MACROD2: variants seen among roughly 807,000 people sequenced by gnomAD.
MACROD2 encodes mono-ADP ribosylhydrolase 2, also known as ADP-ribose glycohydrolase MACROD2.
In MACROD2, 36 loss-of-function variants were observed where a neutral mutation model predicts 70.4. That is an observed-to-expected ratio of 0.51 (90% confidence interval 0.39 to 0.68). The LOEUF (loss-of-function observed/expected upper bound fraction) is 0.68, where lower values mean the gene tolerates loss of function less well. MACROD2 is among the 30% of genes least tolerant of loss of function. The pLI is 0.00. For synonymous variants in MACROD2, 172 were observed against 178.8 expected (o/e 0.96, Z 0.30); for missense variants, 496 against 538.4 (o/e 0.92, Z 0.78).
chr20:14,524,456 G>A (rs2085206691), intron 4 of MACROD2, among the ~76,000 whole-genome samples: 1 of 152,314 alleles, frequency 6.6e-6, no homozygotes, highest in South Asian at 2.1e-4. Context: ...CAGCTGACTG[G>A]ACAAGTGAAG....
chr20:15,621,346 A>G (rs80344268), intron 8 of MACROD2, among the ~76,000 whole-genome samples: 3,816 of 152,264 alleles, frequency 0.025, 150 homozygotes, highest in African/African-American at 0.087. Flanking sequence ...GCCATAGCAC[A>G]AGGTTTTTCA....
At chr20:15,952,697 C>T (rs1366482010) in intron 12 of MACROD2, among the ~76,000 whole-genome samples, 1 of 152,166 alleles carries the variant, frequency 6.6e-6, no homozygotes, top group Non-Finnish European at 1.5e-5. Context: ...CAAGTTGGAG[C>T]CAACAGAGCA....
At chr20:15,585,544 T>C (rs145025158) in intron 8 of MACROD2, among the ~76,000 whole-genome samples, 8 of 152,206 alleles carry the variant, frequency 5.3e-5, no homozygotes, top group Admixed American at 2.0e-4. Context: ...CCCACAGTGC[T>C]CAGGAATTAA....
chr20:15,950,996 C>T (rs1326977301), intron 12 of MACROD2, among the ~76,000 whole-genome samples: 1 of 151,994 alleles, frequency 6.6e-6, no homozygotes, highest in Admixed American at 6.6e-5. Context: ...TTTGGGAAAC[C>T]ATTCCACATC....
chr20:14,471,223 C>T (rs1459910453), intron 3 of MACROD2, among the ~76,000 whole-genome samples: 1 of 151,598 alleles, frequency 6.6e-6, no homozygotes, highest in East Asian at 1.9e-4. Flanking sequence ...ACGCTCCACC[C>T]TGCTTCGGCT....
chr20:15,909,514 ATTTTTTTTT>A (rs10617621), intron 10 of MACROD2, among the ~76,000 whole-genome samples: 6 of 70,812 alleles, frequency 8.5e-5, no homozygotes, highest in Non-Finnish European at 1.5e-4. Flanking sequence ...ACATAATACA[ATTTTTTTTT>A]TTTTTTTTTT....
In MACROD2 at chr20:14,583,324, C is replaced by T. The variant is rs138385638; in HGVS notation, c.301+89816C>T. 6.8e-3 allele frequency among the ~76,000 whole-genome samples: 1,039 copies of T among 152,272 alleles called. 11 individuals carry two copies. The highest frequency in any genetic ancestry group is 0.024 in the African/African-American group (982 of 41,542). ...TAATGCCTCAAAGACCACCATCAATCATCAGGGTCCAGAACCTTGAATAAA... is the reference window on the plus strand; with the variant it reads ...TAATGCCTCAAAGACCACCATCAATTATCAGGGTCCAGAACCTTGAATAAA... On this transcript the variant is annotated intron_variant, in intron 4 of 17. Coordinates refer to ENST00000684519, the MANE Select transcript of MACROD2 (RefSeq NM_001351661.2).
intron 8 of MACROD2, among the ~76,000 whole-genome samples, chr20:15,583,632 T>G (rs1286872461): frequency 6.8e-6 from 1 of 147,832 alleles, no homozygotes; most frequent in Non-Finnish European, 1.5e-5. Flanking sequence ...CATGTGTTTT[T>G]TGTTTTTGTT....
chr20:14,897,774 A>G (rs962789310), intron 5 of MACROD2, among the ~76,000 whole-genome samples: 8 of 152,210 alleles, frequency 5.3e-5, no homozygotes, highest in Admixed American at 6.5e-5. Context: ...ATTTCCCACC[A>G]TTCTGGAGGC....
chr20:14,008,178 A>G (rs2052848699), intron 2 of MACROD2, among the ~76,000 whole-genome samples: 1 of 152,214 alleles, frequency 6.6e-6, no homozygotes. Flanking sequence ...GAGGAAGTCA[A>G]ACTATTTTTG....
At chr20:16,013,704 G>A (rs1167649917) in intron 15 of MACROD2, among the ~76,000 whole-genome samples, 1 of 152,142 alleles carries the variant, frequency 6.6e-6, no homozygotes, top group African/African-American at 2.4e-5. Flanking sequence ...TTTAAATGTT[G>A]TATCATACCC....
chr20:14,205,152 C>T (rs1454347432), intron 3 of MACROD2, among the ~76,000 whole-genome samples: 4 of 152,174 alleles, frequency 2.6e-5, no homozygotes, highest in African/African-American at 7.2e-5. Flanking sequence ...TTATTTATTT[C>T]TCTGGTGCCC....
intron 5 of MACROD2, among the ~76,000 whole-genome samples, chr20:14,742,920 C>T (rs1344675180): frequency 1.3e-5 from 2 of 150,982 alleles, no homozygotes; most frequent in South Asian, 4.2e-4. Flanking sequence ...GCGCCCGCCA[C>T]TATGCCCGGC....
intron 12 of MACROD2, among the ~76,000 whole-genome samples, chr20:15,941,147 CTT>C (rs150158528): frequency 0.01 from 1,552 of 152,220 alleles, 16 homozygotes; most frequent in African/African-American, 0.03. Flanking sequence ...TAACATAAAA[CTT>C]TTAATGATGG....
At chr20:14,134,846 A>G (rs2054774502) in intron 3 of MACROD2, among the ~76,000 whole-genome samples, 1 of 151,572 alleles carries the variant, frequency 6.6e-6, no homozygotes, top group Non-Finnish European at 1.5e-5. Context: ...ATGTCAATGA[A>G]TAGGGATTTT....
chr20:15,989,765 G>T (rs2066533242), intron 15 of MACROD2, among the ~76,000 whole-genome samples: 1 of 151,746 alleles, frequency 6.6e-6, no homozygotes, highest in South Asian at 2.1e-4. Context: ...ATTCTTTATA[G>T]CTTTAGAAGT....
chr20:15,029,246 C>A (rs1393236339), intron 5 of MACROD2, among the ~76,000 whole-genome samples: 3 of 152,184 alleles, frequency 2.0e-5, no homozygotes, highest in Non-Finnish European at 4.4e-5. Flanking sequence ...TTAGATGAAG[C>A]ATTACACTTC....
At chr20:15,845,386 C>T (rs1256124273) in intron 8 of MACROD2, among the ~76,000 whole-genome samples, 2 of 152,074 alleles carry the variant, frequency 1.3e-5, no homozygotes, top group Non-Finnish European at 2.9e-5. Context: ...TTACTAAGCA[C>T]ACTAGAAGTT....
chr20:14,330,200 A>G (rs2082809408), intron 3 of MACROD2, among the ~76,000 whole-genome samples: 1 of 152,056 alleles, frequency 6.6e-6, no homozygotes, highest in South Asian at 2.1e-4. Context: ...TTTCCAAAAG[A>G]AGACTTTTGG....
Sources: gnomAD v4.1 joint callset for allele counts (sites outside exome capture counted in the v4.1 genomes callset) on GRCh38, gnomAD v4.1.1 for gene constraint, MANE v1.5 for transcripts, NCBI Gene and HGNC (gene_info 2026-07-23, HGNC 2026-07-21) for gene names.